Variants in RBFOX1 observed in about 807,000 individuals in gnomAD.
RBFOX1 encodes RNA binding fox-1 homolog 1, also known as RNA binding protein fox-1 homolog 1.
Under a neutral mutation model 57.7 loss-of-function variants are expected in RBFOX1, and 8 were observed. The observed-to-expected ratio is 0.14, with a 90% CI of 0.08 to 0.25. The LOEUF is 0.25. RBFOX1 is among the 10% of genes least tolerant of loss of function. The probability of loss-of-function intolerance (pLI) is 1.00; values close to 1 mark genes in which losing one functional copy is unlikely to be tolerated. For missense variants in RBFOX1, 611 were observed against 548.5 expected (o/e 1.11, Z -1.14); for synonymous variants, 326 against 222.4 (o/e 1.47, Z -4.15).
intron 3 of RBFOX1, among the ~76,000 whole-genome samples, chr16:6,833,057 G>A (rs1485230849): frequency 1.3e-5 from 2 of 151,656 alleles, no homozygotes; most frequent in Non-Finnish European, 2.9e-5. Flanking sequence ...AATATTTCAG[G>A]CTCTTTTCCA....
intron 2 of RBFOX1, among the ~76,000 whole-genome samples, chr16:5,503,539 G>A (rs942191935): frequency 6.6e-6 from 1 of 152,218 alleles, no homozygotes; most frequent in African/African-American, 2.4e-5. Context: ...TACCTCCTGG[G>A]TTCAAGCGAT....
At chr16:7,245,333 T>C (rs1323880638) in intron 4 of RBFOX1, among the ~76,000 whole-genome samples, 5 of 152,184 alleles carry the variant, frequency 3.3e-5, no homozygotes, top group African/African-American at 1.2e-4. Context: ...TTAAATTTTA[T>C]TTTAGGTTCC....
intron 3 of RBFOX1, among the ~76,000 whole-genome samples, chr16:6,680,898 A>G (rs989635776): frequency 6.6e-6 from 1 of 152,240 alleles, no homozygotes; most frequent in Non-Finnish European, 1.5e-5. Context: ...AATTGAATCA[A>G]TATTTATACA....
chr16:7,576,096 A>AT (rs113802059), intron 5 of RBFOX1, among the ~76,000 whole-genome samples: 35,665 of 123,322 alleles, frequency 0.29, 6,020 homozygotes, highest in South Asian at 0.49. Context: ...ATGATCAGCT[A>AT]TTTTTTTTTT....
At chr16:6,701,945 A>G (rs541124459) in intron 3 of RBFOX1, among the ~76,000 whole-genome samples, 18 of 152,244 alleles carry the variant, frequency 1.2e-4, no homozygotes, top group African/African-American at 4.3e-4. Context: ...GGCCTGCTTG[A>G]GGATGGAGGG....
Position 6,784,106 on chromosome 16 carries a change from A to G in RBFOX1, c.-16+129456A>G, listed in dbSNP as rs558677998. On this transcript the variant is annotated intron_variant, in intron 3 of 15. Coordinates refer to ENST00000550418, the MANE Select transcript of RBFOX1 (RefSeq NM_018723.4). ...ACCTTTGAGAATTTGATTATTGTATACCTCTGGGTTTCATCTGCTTGGTGT... is the reference window on the plus strand; with the variant it reads ...ACCTTTGAGAATTTGATTATTGTATGCCTCTGGGTTTCATCTGCTTGGTGT... Among the ~76,000 whole-genome samples the G allele has an allele frequency of 2.0e-5, 3 of 151,814 alleles. No individual in the cohort carries two copies. The East Asian group carries it at 5.8e-4, about 29-fold the overall frequency.
chr16:5,726,393 C>G (rs2052153441), intron 3 of RBFOX1, among the ~76,000 whole-genome samples: 2 of 152,122 alleles, frequency 1.3e-5, no homozygotes, highest in South Asian at 4.1e-4. Flanking sequence ...TCTACTAAAC[C>G]TCCTCCCTCC....
intron 4 of RBFOX1, among the ~76,000 whole-genome samples, chr16:7,502,346 A>G (rs570534427): frequency 2.8e-4 from 42 of 152,340 alleles, no homozygotes; most frequent in Admixed American, 1.9e-3. Context: ...ACATTGTGGG[A>G]GGTCTCTGGT....
At chr16:5,559,192 T>C (rs1392241940) in intron 2 of RBFOX1, among the ~76,000 whole-genome samples, 2 of 103,476 alleles carry the variant, frequency 1.9e-5, no homozygotes, top group Non-Finnish European at 3.9e-5. Flanking sequence ...AAAAAAAAAG[T>C]CAAGTGTAGA....
At chr16:6,479,960 A>G (rs895639059) in intron 2 of RBFOX1, among the ~76,000 whole-genome samples, 1 of 151,770 alleles carries the variant, frequency 6.6e-6, no homozygotes, top group Non-Finnish European at 1.5e-5. Flanking sequence ...CTGAGGCACA[A>G]GAATTGCTTA....
At chr16:7,156,374 C>T (rs78991179) in intron 4 of RBFOX1, among the ~76,000 whole-genome samples, 6,295 of 151,676 alleles carry the variant, frequency 0.042, 387 homozygotes, top group African/African-American at 0.13. Context: ...TATACATATG[C>T]GTGTACATAT....
At chr16:6,780,193 A>T (rs111218452) in intron 3 of RBFOX1, among the ~76,000 whole-genome samples, 2 of 31,424 alleles carry the variant, frequency 6.4e-5, no homozygotes, top group Non-Finnish European at 8.6e-5. Flanking sequence ...ATATATATTT[A>T]TATATTTTTA....
intron 4 of RBFOX1, among the ~76,000 whole-genome samples, chr16:7,069,804 T>A (rs753306512): frequency 2.6e-5 from 4 of 152,148 alleles, no homozygotes; most frequent in Middle Eastern, 3.2e-3. Flanking sequence ...TAACAAAAAT[T>A]GTGTTCCTCC....
chr16:6,347,290 C>G (rs1011826501), intron 2 of RBFOX1, among the ~76,000 whole-genome samples: 8 of 152,184 alleles, frequency 5.3e-5, no homozygotes, highest in African/African-American at 1.7e-4. Flanking sequence ...TCATCCTCAA[C>G]CACCATCATC....
intron 3 of RBFOX1, among the ~76,000 whole-genome samples, chr16:6,916,347 T>C (rs1270961377): frequency 6.6e-6 from 1 of 152,168 alleles, no homozygotes; most frequent in Non-Finnish European, 1.5e-5. Flanking sequence ...TTTGCTATTA[T>C]GGCTAATGCT....
chr16:7,276,481 C>G (rs1249930806), intron 4 of RBFOX1, among the ~76,000 whole-genome samples: 1 of 152,162 alleles, frequency 6.6e-6, no homozygotes, highest in Non-Finnish European at 1.5e-5. Flanking sequence ...TCTATATTCT[C>G]TCTTTTTATC....
Position 6,638,606 on chromosome 16 carries a change from G to A in RBFOX1, c.-63-15997G>A, listed in dbSNP as rs138216994. On this transcript the variant is annotated intron_variant, in intron 2 of 15. Coordinates refer to ENST00000550418, the MANE Select transcript of RBFOX1 (RefSeq NM_018723.4). ...TATGTTCTTTGATGAATGAAGGTGTGTACACATAGATTGAACAAATTTTTT... is the reference window on the plus strand; with the variant it reads ...TATGTTCTTTGATGAATGAAGGTGTATACACATAGATTGAACAAATTTTTT... Among the ~76,000 whole-genome samples the A allele has an allele frequency of 6.5e-3, 997 of 152,238 alleles. 8 individuals are homozygous for A. Among genetic ancestry groups the A allele is most frequent in the African/African-American group, 0.023 (952 of 41,550 alleles).
intron 3 of RBFOX1, among the ~76,000 whole-genome samples, chr16:6,788,503 T>A (rs567308777): frequency 6.6e-6 from 1 of 152,080 alleles, no homozygotes; most frequent in East Asian, 1.9e-4. Context: ...AGACAGAGTC[T>A]CTTGCTCTGT....
intron 4 of RBFOX1, among the ~76,000 whole-genome samples, chr16:7,339,144 T>G (rs1435647891): frequency 6.6e-6 from 1 of 152,140 alleles, no homozygotes; most frequent in Non-Finnish European, 1.5e-5. Context: ...CTGAGGCTTG[T>G]CAATTAACCT....
Sources: allele counts gnomAD v4.1 joint callset (sites outside exome capture counted in the v4.1 genomes callset), GRCh38; gene constraint gnomAD v4.1.1; transcripts MANE v1.5; gene names NCBI Gene and HGNC (gene_info 2026-07-23, HGNC 2026-07-21).